Variants in TET3 observed in about 807,000 individuals in gnomAD.
TET3 encodes tet methylcytosine dioxygenase 3, also known as methylcytosine dioxygenase TET3.
TET3 carries 19 observed loss-of-function variants against 141.4 expected under a neutral mutation model. The observed-to-expected ratio is 0.13, with a 90% CI of 0.09 to 0.20. The LOEUF is 0.20. Ranked by LOEUF, TET3 falls within the 10% of genes least tolerant of loss-of-function variation. TET3 has a pLI of 1.00. For synonymous variants in TET3, 1,043 were observed against 980.9 expected (o/e 1.06, Z -1.18); for missense variants, 1,874 against 2,356.9 (o/e 0.80, Z 4.24).
intron 4 of TET3, among the ~76,000 whole-genome samples, chr2:74,070,034 C>T (rs1689119960): frequency 6.6e-6 from 1 of 152,174 alleles, no homozygotes; most frequent in Non-Finnish European, 1.5e-5. Context: ...ATAGGTCAAA[C>T]ATCATTAACT....
intron 2 of TET3, among the ~76,000 whole-genome samples, chr2:73,991,442 G>C (rs964930731): frequency 1.3e-5 from 2 of 151,946 alleles, no homozygotes; most frequent in Non-Finnish European, 2.9e-5. Flanking sequence ...AATTAGCCAG[G>C]CGTGGTGGTG....
At position 74,080,611 on chromosome 2, in the gene TET3, A is replaced by C; in HGVS notation, c.2679+20A>C. 1 of 1,565,716 alleles carries C rather than the reference A, an allele frequency of 6.4e-7. No individual in the cohort carries two copies. The highest frequency in any genetic ancestry group is 8.7e-7 in the Non-Finnish European group (1 of 1,152,032). On this transcript the variant is annotated intron_variant, in intron 6 of 11. Transcript: ENST00000409262. ...AAGTGGGTGAGTGTTGAGCCCACTC[A>C]AGAGCCACAGCTGTGCCTGGTTCCC... is the stretch of plus-strand genomic sequence containing the variant.
intron 4 of TET3, among the ~76,000 whole-genome samples, chr2:74,048,833 G>A (rs1396625813): frequency 6.6e-6 from 1 of 152,182 alleles, no homozygotes; most frequent in African/African-American, 2.4e-5. Context: ...AAGGGGTTGG[G>A]TATATGTGGA....
chr2:73,997,598 A>T (rs79219231), intron 2 of TET3, among the ~76,000 whole-genome samples: 2,710 of 152,218 alleles, frequency 0.018, 100 homozygotes, highest in African/African-American at 0.062. Context: ...GGGTCCCAGG[A>T]TCTACAAGGT....
chr2:74,085,412 C>T (rs118138190), intron 6 of TET3, among the ~76,000 whole-genome samples: 3,599 of 152,296 alleles, frequency 0.024, 81 homozygotes, highest in East Asian at 0.1. Context: ...CTGGCTACCC[C>T]TTTCAGGGTC....
Position 74,100,455 on chromosome 2 carries a change from C to G in TET3, c.3667C>G (p.Gln1223Glu). ...GLKPSLKVEP[Q>E]NHFSSFKYSG... ...GAAGCCCTCCCTCAAGGTGGAGCCG[C>G]AGAACCACTTCAGCTCCTTCAAGTA... Residue 1223 changes from glutamine to glutamate, a missense_variant, in exon 12 of 12, where the codon CAG becomes GAG. Coordinates refer to ENST00000409262, the MANE Select transcript of TET3 (RefSeq NM_001287491.2). 1 of 1,585,340 alleles carries G rather than the reference C, an allele frequency of 6.3e-7. No homozygotes were observed. Among genetic ancestry groups the G allele is most frequent in the Middle Eastern group, 1.7e-4 (1 of 6,032 alleles).
At chr2:74,052,753 C>G (rs1688014598) in intron 4 of TET3, among the ~76,000 whole-genome samples, 1 of 152,052 alleles carries the variant, frequency 6.6e-6, no homozygotes, top group Non-Finnish European at 1.5e-5. Flanking sequence ...GCCTGTAATT[C>G]CAGTTACTCT....
At chr2:74,108,311 C>T (rs1691617152), downstream of TET3, 1 of 153,812 alleles carries the variant, frequency 6.5e-6, no homozygotes. Flanking sequence ...GCAGCGGAAC[C>T]TGGCCTTGTC....
At chr2:74,020,428 C>T (rs1685974281) in intron 3 of TET3, among the ~76,000 whole-genome samples, 1 of 152,212 alleles carries the variant, frequency 6.6e-6, no homozygotes, top group Non-Finnish European at 1.5e-5. Flanking sequence ...AGTGGTCTGC[C>T]TGCCCAAAGT....
At position 74,048,143 on chromosome 2, in the gene TET3, C is replaced by G; in HGVS notation, c.2226C>G (p.Leu742=). 1 of 1,613,160 alleles carries G rather than the reference C, an allele frequency of 6.2e-7. No individual in the cohort carries two copies. ...IQDPENQQTC[L]PAPESPFATR... The stretch of plus-strand genomic sequence containing the variant: ...ACCCCGAGAACCAGCAAACATGTCT[C>G]CCAGCCCCTGAGAGCCCCTTTGCTA... The change falls in exon 4 of 12, where the codon CTC becomes CTG. Residue 742 remains leucine (L), a synonymous_variant. Coordinates refer to ENST00000409262, the MANE Select transcript of TET3 (RefSeq NM_001287491.2).
In TET3 at chr2:73,986,701, A is replaced by C; in HGVS notation, c.298A>C (p.Lys100Gln). Residue 100 changes from lysine to glutamine, a missense_variant, in exon 2 of 12, where the codon AAG becomes CAG. By Grantham distance (53) the Lys-to-Gln change is moderately conservative. Around this residue, in one of 10 missense-constraint regions of TET3, gnomAD observed 366 missense variants for 487.0 expected, o/e 0.75. Coordinates refer to ENST00000409262, the MANE Select transcript of TET3 (RefSeq NM_001287491.2). ...EVLKKKVGLL[K>Q]EVEIKAGEGA... Reference sequence around the variant, plus strand: ...GCTGAAGAAAAAAGTAGGGCTTCTCAAGGAGGTAAGCCGGCCCTTGCTGGG... The same window carrying C: ...GCTGAAGAAAAAAGTAGGGCTTCTCCAGGAGGTAAGCCGGCCCTTGCTGGG... The C allele has an allele frequency of 8.1e-7, 1 of 1,231,992 alleles. No individual in the cohort carries two copies. Among genetic ancestry groups the C allele is most frequent in the Non-Finnish European group, 1.0e-6 (1 of 987,988 alleles). 76.3% of individuals were successfully genotyped at this position (1,231,992 alleles called of 1,614,324 possible).
At chr2:74,066,179 A>T (rs1688887935) in intron 4 of TET3, among the ~76,000 whole-genome samples, 1 of 152,204 alleles carries the variant, frequency 6.6e-6, no homozygotes, top group African/African-American at 2.4e-5. Flanking sequence ...CGAGTTCATA[A>T]TGATATTTAT....
In TET3 at chr2:74,105,076, AAAATC is replaced by A. The variant is rs1691424201; in HGVS notation, c.*2905_*2909del. On this transcript the variant is annotated 3_prime_UTR_variant, in exon 12 of 12. Transcript: ENST00000409262. ...TGCTGCTGAAGCTTTCTTAAAGAGA[AAAATC>A]AAATTTTTATTTTTTACTGGCACTA... 5 of 398,098 alleles carry A rather than the reference AAAATC, an allele frequency of 1.3e-5. No individual in the cohort carries two copies. In the Admixed American group the frequency reaches 1.3e-4, roughly 11 times the overall value. The allele number at this position is 398,098 out of a possible 1,614,324, so 24.7% of individuals were successfully genotyped here.
intron 3 of TET3, among the ~76,000 whole-genome samples, chr2:74,026,968 G>A (rs947926627): frequency 8.5e-5 from 13 of 152,202 alleles, no homozygotes; most frequent in Admixed American, 3.9e-4. Context: ...CTGCAGTGAC[G>A]TGGGAGGTAT....
the TET3 span, among the ~76,000 whole-genome samples, chr2:74,132,395 TC>T: frequency 6.6e-6 from 1 of 152,124 alleles, no homozygotes; most frequent in Middle Eastern, 3.2e-3. Context: ...AGTCTGCTCT[TC>T]CCACGGCCTG....
At chr2:74,081,443 G>A (rs1332123589) in intron 6 of TET3, among the ~76,000 whole-genome samples, 1 of 152,234 alleles carries the variant, frequency 6.6e-6, no homozygotes, top group Non-Finnish European at 1.5e-5. Context: ...CATGGAGACT[G>A]GGGTCGTTGA....
At chr2:74,125,071 A>G in the TET3 span, among the ~76,000 whole-genome samples, 12 of 150,444 alleles carry the variant, frequency 8.0e-5, no homozygotes, top group East Asian at 3.9e-4. Context: ...CAATGGTGCA[A>G]TCTCAGCTCA....
chr2:74,069,137 A>G (rs1374584130), intron 4 of TET3, among the ~76,000 whole-genome samples: 4 of 137,386 alleles, frequency 2.9e-5, no homozygotes, highest in Non-Finnish European at 6.2e-5. Flanking sequence ...TAGCACGTGT[A>G]TAGTTTAATT....
chr2:74,097,230 C>CACACACAT (rs1419069634), intron 10 of TET3, among the ~76,000 whole-genome samples: 1 of 150,998 alleles, frequency 6.6e-6, no homozygotes, highest in East Asian at 1.9e-4. Flanking sequence ...CACACACACA[C>CACACACAT]ATACATTCAA....
Sources: allele counts gnomAD v4.1 joint callset (sites outside exome capture counted in the v4.1 genomes callset), GRCh38; gene constraint gnomAD v4.1.1; regional missense constraint gnomAD v4.1.1; transcripts MANE v1.5; gene names NCBI Gene and HGNC (gene_info 2026-07-23, HGNC 2026-07-21).